Variants in CYP2F1 observed in about 807,000 individuals in gnomAD.
CYP2F1 encodes cytochrome P450 family 2 subfamily F member 1.
In CYP2F1, 33 loss-of-function variants were observed where a neutral mutation model predicts 40.4. The observed-to-expected ratio is 0.82, with a 90% confidence interval of 0.62 to 1.09. The LOEUF is 1.09. Ranked by LOEUF, CYP2F1 falls within the 50% of genes least tolerant of loss-of-function variation. The pLI, the probability that CYP2F1 is intolerant of heterozygous loss-of-function variation, is 0.00. For synonymous variants in CYP2F1, 235 were observed against 277.2 expected (o/e 0.85, Z 1.51); for missense variants, 566 against 655.7 (o/e 0.86, Z 1.49).
At chr19:41,117,425 C>T (rs1433834135) in intron 3 of CYP2F1, among the ~76,000 whole-genome samples, 2 of 152,100 alleles carry the variant, frequency 1.3e-5, no homozygotes, top group East Asian at 3.9e-4. Context: ...AGCCACTGCT[C>T]CTGGCCCAAA....
In CYP2F1 at chr19:41,120,456, G is replaced by C; in HGVS notation, c.444G>C (p.Glu148Asp). The change falls in exon 4 of 10, where the codon GAG (glutamate) becomes GAC (aspartate). Residue 148 changes from glutamate (E) to aspartate (D), a missense_variant. Coordinates refer to ENST00000331105, the MANE Select transcript of CYP2F1 (RefSeq NM_000774.5). ...GKRSIEERILEEGSFLLAELR... is the reference protein window; with the variant it reads ...GKRSIEERILDEGSFLLAELR... ...GAAGCATTGAGGAGCGAATCCTAGA[G>C]GAGGGCAGCTTCCTGCTGGCGGAGC... The C allele has an allele frequency of 6.2e-7, 1 of 1,614,038 alleles. No individual in the cohort carries two copies. The highest frequency in any genetic ancestry group is 8.5e-7 in the Non-Finnish European group (1 of 1,179,974).
rs865825432 is a variant in CYP2F1, at chr19:41,124,253, C to A, written c.965-466C>A. ...TTTTTTTTTTTTCCTCTTCCCCCCCCCCTTTTTTTTTTTTTTTTTTTTTTT... is the reference window on the plus strand; with the variant it reads ...TTTTTTTTTTTTCCTCTTCCCCCCCACCTTTTTTTTTTTTTTTTTTTTTTT... On this transcript the variant is annotated intron_variant, in intron 7 of 9. Transcript: ENST00000331105. Among the ~76,000 whole-genome samples the A allele has an allele frequency of 2.0e-4, 19 of 93,196 alleles. 1 individual carries two copies. The highest frequency in any genetic ancestry group is 6.6e-4 in the Admixed American group (6 of 9,140). 61.1% of individuals were successfully genotyped at this position (93,196 alleles called of 152,430 possible).
chr19:41,124,255 C>CCACTT (rs1568381420), intron 7 of CYP2F1, among the ~76,000 whole-genome samples: 5 of 35,250 alleles, frequency 1.4e-4, no homozygotes, highest in African/African-American at 6.1e-4. Context: ...TCCCCCCCCC[C>CCACTT]TTTTTTTTTT....
chr19:41,115,760 GAAAGAA>G (rs2031756800), intron 1 of CYP2F1, among the ~76,000 whole-genome samples: 1 of 149,792 alleles, frequency 6.7e-6, no homozygotes, highest in Non-Finnish European at 1.5e-5. Context: ...AACAAAGAAA[GAAAGAA>G]AAAGAAAAAA....
intron 9 of CYP2F1, among the ~76,000 whole-genome samples, chr19:41,126,134 A>G (rs2032537053): frequency 6.8e-6 from 1 of 147,986 alleles, no homozygotes; most frequent in South Asian, 2.2e-4. Flanking sequence ...AATAATGATA[A>G]TAATTTAACA....
At chr19:41,117,154 T>C (rs28568408) in intron 3 of CYP2F1, among the ~76,000 whole-genome samples, 3,160 of 151,968 alleles carry the variant, frequency 0.021, 112 homozygotes, top group African/African-American at 0.07. Flanking sequence ...TTATCTGAGA[T>C]GAGTCTTGCT....
rs1417997698 is a variant in CYP2F1, at chr19:41,123,129, C to T, written c.964+166C>T. ...CACGGAGGCCGATCCCACCACATGG[C>T]CCATGAGGTCCATGCAGCCTGCCCG... On this transcript the variant is annotated intron_variant, in intron 7 of 9. Transcript: ENST00000331105. 3 of 769,028 alleles carry T rather than the reference C, an allele frequency of 3.9e-6. No individual in the cohort carries two copies. The Admixed American group carries it at 6.0e-5, about 15-fold the overall frequency. The allele number at this position is 769,028 out of a possible 1,614,324, so 47.6% of individuals were successfully genotyped here. A position where few individuals can be genotyped will look rare whatever the true frequency, so the allele number is the denominator to read the frequency against.
intron 3 of CYP2F1, among the ~76,000 whole-genome samples, chr19:41,118,697 G>T (rs1378923429): frequency 6.6e-6 from 1 of 152,142 alleles, no homozygotes; most frequent in Non-Finnish European, 1.5e-5. Context: ...TCAATACACA[G>T]CACAGAGGGT....
intron 9 of CYP2F1, among the ~76,000 whole-genome samples, chr19:41,126,487 C>T (rs1047574066): frequency 1.8e-4 from 27 of 152,028 alleles, no homozygotes; most frequent in African/African-American, 6.3e-4. Context: ...CACATTGGCT[C>T]ACACCTGTAA....
rs762735369 is a variant in CYP2F1, at chr19:41,128,116, T to G, written c.*34T>G. 1.9e-6 allele frequency: 3 copies of G among 1,581,974 alleles called. No individual in the cohort carries two copies. The Admixed American group carries it at 5.1e-5, about 27-fold the overall frequency. On this transcript the variant is annotated 3_prime_UTR_variant, in exon 10 of 10. Coordinates refer to ENST00000331105, the MANE Select transcript of CYP2F1 (RefSeq NM_000774.5). The stretch of plus-strand genomic sequence containing the variant: ...CCCTTCCAGATTCGCCTGTGAGCGA[T>G]GAGGCCCGCCCATGCGGGTTGCTAC...
At position 41,127,524 on chromosome 19, in the gene CYP2F1, G is replaced by A. The variant is rs137919170; in HGVS notation, c.1295-377G>A. 6.6e-5 allele frequency among the ~76,000 whole-genome samples: 10 copies of A among 152,132 alleles called. No individual in the cohort carries two copies. The East Asian group carries it at 1.9e-3, about 30-fold the overall frequency. ...TTTTAAAATTTTTTTTGTAGAGATG[G>A]GATCTTGCTGTGTTGCCCAGGCTGC... On this transcript the variant is annotated intron_variant, in intron 9 of 9. Coordinates refer to ENST00000331105, the MANE Select transcript of CYP2F1 (RefSeq NM_000774.5).
At chr19:41,119,352 C>T (rs1053356828) in intron 3 of CYP2F1, among the ~76,000 whole-genome samples, 20 of 152,260 alleles carry the variant, frequency 1.3e-4, no homozygotes, top group African/African-American at 4.6e-4. Context: ...ATGGCTCACA[C>T]CTGTAATCCC....
At chr19:41,123,262 A>G (rs1233301371) in intron 7 of CYP2F1, 1 of 487,672 alleles carries the variant, frequency 2.1e-6, no homozygotes, top group Non-Finnish European at 4.0e-6. Context: ...CAGTGGCGTG[A>G]TCTCGATCCG....
At position 41,125,406 on chromosome 19, in the gene CYP2F1, C is replaced by T. The variant is rs1568382506; in HGVS notation, c.1153-87C>T. On this transcript the variant is annotated intron_variant, in intron 8 of 9. Transcript: ENST00000331105. ...CTATACCCACCCCTTATCAAGTCCCCAGGACACCCAGCCCAATACAATGGA... is the reference window on the plus strand; with the variant it reads ...CTATACCCACCCCTTATCAAGTCCCTAGGACACCCAGCCCAATACAATGGA... The T allele has an allele frequency of 1.3e-5, 9 of 703,716 alleles. No individual in the cohort carries two copies. The South Asian group carries it at 1.3e-4, about 10-fold the overall frequency. The allele number at this position is 703,716 out of a possible 1,614,324, so 43.6% of individuals were successfully genotyped here.
Position 41,125,494 on chromosome 19 carries a change from G to A in CYP2F1, c.1154G>A (p.Gly385Asp). ...AAGTCCACCTCCTCACCCACACAGG[G>A]CACCGATGTCATCACCCTCCTTAAC... The part of the protein sequence containing the change: ...TAFRGFLIPK[G>D]TDVITLLNTV... The change falls in exon 9 of 10, where the codon GGC becomes GAC. Residue 385 changes from glycine to aspartate, a missense_variant and splice_region_variant. This residue lies in a region of CYP2F1 where 27 missense variants were observed against 68.4 expected (regional missense o/e 0.39). Coordinates refer to ENST00000331105, the MANE Select transcript of CYP2F1 (RefSeq NM_000774.5). 6.8e-7 allele frequency: 1 copy of A among 1,475,080 alleles called. No individual in the cohort carries two copies. The highest frequency in any genetic ancestry group is 9.3e-7 in the Non-Finnish European group (1 of 1,071,522). 91.4% of individuals were successfully genotyped at this position (1,475,080 alleles called of 1,614,324 possible). A position where few individuals can be genotyped will look rare whatever the true frequency, so the allele number is the denominator to read the frequency against.
At chr19:41,119,748 T>TATATATATATATATACACACAC (rs1337166345) in intron 3 of CYP2F1, among the ~76,000 whole-genome samples, 2 of 36,102 alleles carry the variant, frequency 5.5e-5, no homozygotes, top group South Asian at 1.7e-3. Flanking sequence ...TATATATATA[T>TATATATATATATATACACACAC]ACACACACAC....
At chr19:41,124,253 C>CA (rs796530025) in intron 7 of CYP2F1, among the ~76,000 whole-genome samples, 15 of 93,196 alleles carry the variant, frequency 1.6e-4, no homozygotes, top group Non-Finnish European at 2.4e-4. Flanking sequence ...CTTCCCCCCC[C>CA]CCTTTTTTTT....
Position 41,116,119 on chromosome 19 carries a change from G to C in CYP2F1, c.-11-59G>C. The C allele has an allele frequency of 2.7e-6, 4 of 1,505,242 alleles. No homozygotes were observed. In the South Asian group the frequency reaches 5.0e-5, roughly 19 times the overall value. The allele number at this position is 1,505,242 out of a possible 1,614,324, so 93.2% of individuals were successfully genotyped here. On this transcript the variant is annotated intron_variant, in intron 1 of 9. Transcript: ENST00000331105. ...GGCCTAGGGAAGGTAAGTCCCAGGG[G>C]AGATGGAAAGGAGGGATCAGCGATG...
intron 9 of CYP2F1, among the ~76,000 whole-genome samples, chr19:41,126,202 G>A (rs28593196): frequency 0.17 from 26,166 of 151,856 alleles, 2,305 homozygotes; most frequent in South Asian, 0.2. Context: ...TAGGCGGGCA[G>A]ATTACCTGAA....
Sources: allele counts gnomAD v4.1 joint callset (sites outside exome capture counted in the v4.1 genomes callset), GRCh38; gene constraint gnomAD v4.1.1; regional missense constraint gnomAD v4.1.1; transcripts MANE v1.5; gene names NCBI Gene and HGNC (gene_info 2026-07-23, HGNC 2026-07-21).